Variants in GRIA4 observed in about 807,000 individuals in gnomAD.
GRIA4 encodes the protein glutamate receptor 4.
A neutral mutation model predicts 104.0 loss-of-function variants in GRIA4; 34 were observed. That is an observed-to-expected ratio of 0.33 (90% CI 0.25 to 0.44). The LOEUF (loss-of-function observed/expected upper bound fraction) is 0.44, where lower values mean the gene tolerates loss of function less well. Among genes scored for constraint, GRIA4 ranks in the 20% least tolerant of loss-of-function variants. GRIA4 has a pLI of 1.00. For missense variants in GRIA4, 750 were observed against 1,096.5 expected, an observed-to-expected ratio of 0.68 and a Z score of 4.46; for synonymous variants, 386 against 381.9, an observed-to-expected ratio of 1.01 and a Z score of -0.13.
At chr11:105,650,795 A>G (rs977375204) in intron 3 of GRIA4, among the ~76,000 whole-genome samples, 1 of 152,158 alleles carries the variant, frequency 6.6e-6, no homozygotes, top group Non-Finnish European at 1.5e-5. Flanking sequence ...AGACTTTCAA[A>G]TGACAAGCTG....
At chr11:105,809,430 A>G (rs1041333473) in intron 4 of GRIA4, among the ~76,000 whole-genome samples, 1 of 152,040 alleles carries the variant, frequency 6.6e-6, no homozygotes, top group Non-Finnish European at 1.5e-5. Flanking sequence ...GAATCTCCCT[A>G]TTGTGCTACT....
chr11:105,678,986 A>T (rs1418416523), intron 3 of GRIA4, among the ~76,000 whole-genome samples: 1 of 152,054 alleles, frequency 6.6e-6, no homozygotes, highest in Non-Finnish European at 1.5e-5. Context: ...AGATTCCACT[A>T]AGAATATCCT....
In GRIA4 at chr11:105,686,053, T is replaced by C. The variant is rs192585434; in HGVS notation, c.248-66928T>C. Among the ~76,000 whole-genome samples, 3 of 152,254 alleles carry C rather than the reference T, an allele frequency of 2.0e-5. No individual in the cohort carries two copies. The East Asian group carries it at 5.8e-4, about 29-fold the overall frequency. On this transcript the variant is annotated intron_variant, in intron 3 of 16. Transcript: ENST00000282499. ...GCAATAAAGGCCAGGATAAAGATGA[T>C]GGCAAAAGAGTTTCTTTTTTTCAAC...
chr11:105,618,608 G>A (rs1336121721), intron 3 of GRIA4, among the ~76,000 whole-genome samples: 2 of 151,962 alleles, frequency 1.3e-5, no homozygotes, highest in Non-Finnish European at 2.9e-5. Flanking sequence ...TGAGTGGGGA[G>A]GGTGACTATA....
chr11:105,746,629 G>T (rs1939676542), intron 3 of GRIA4, among the ~76,000 whole-genome samples: 1 of 151,956 alleles, frequency 6.6e-6, no homozygotes, highest in Non-Finnish European at 1.5e-5. Flanking sequence ...ACAAACAAAG[G>T]CAGCAAAGAC....
Position 105,612,449 on chromosome 11 carries a change from A to G in GRIA4, c.247+15A>G. The G allele has an allele frequency of 6.2e-7, 1 of 1,609,602 alleles. No homozygotes were observed. Among genetic ancestry groups the G allele is most frequent in the Non-Finnish European group, 8.5e-7 (1 of 1,176,970 alleles). On this transcript the variant is annotated intron_variant, in intron 3 of 16. Transcript: ENST00000282499. Reference sequence around the variant, plus strand: ...AACAAACGCCTGTAAGTAAAACATAAGCTATGAAAAATTAGAAGAGAACTG... The same window carrying G: ...AACAAACGCCTGTAAGTAAAACATAGGCTATGAAAAATTAGAAGAGAACTG...
chr11:105,888,145 T>A (rs1278564303), intron 6 of GRIA4, among the ~76,000 whole-genome samples: 1 of 152,090 alleles, frequency 6.6e-6, no homozygotes, highest in Non-Finnish European at 1.5e-5. Flanking sequence ...TTGTTAACCA[T>A]GTAGTGTAGG....
chr11:105,813,468 T>C (rs191619418), intron 4 of GRIA4, among the ~76,000 whole-genome samples: 5 of 152,286 alleles, frequency 3.3e-5, no homozygotes, highest in Admixed American at 3.3e-4. Flanking sequence ...ACTTTATGAA[T>C]GACTCCAAGT....
chr11:105,637,979 G>T (rs1318440816), intron 3 of GRIA4, among the ~76,000 whole-genome samples: 1 of 152,058 alleles, frequency 6.6e-6, no homozygotes, highest in Non-Finnish European at 1.5e-5. Context: ...AAATAATTGT[G>T]TATTTTTAAT....
chr11:105,627,452 A>T (rs1248292192), intron 3 of GRIA4, among the ~76,000 whole-genome samples: 1 of 152,150 alleles, frequency 6.6e-6, no homozygotes, highest in Admixed American at 6.5e-5. Flanking sequence ...GCAGTCTATA[A>T]CATAATTATG....
chr11:105,946,803 G>A (rs1948325529), intron 14 of GRIA4, among the ~76,000 whole-genome samples: 1 of 151,802 alleles, frequency 6.6e-6, no homozygotes, highest in African/African-American at 2.4e-5. Context: ...GGGACACTTG[G>A]GACTCAAGAA....
chr11:105,903,939 T>C lies in GRIA4; in HGVS notation c.1011T>C (p.Ala337=), dbSNP rs1415407354. The C allele has an allele frequency of 9.9e-6, 16 of 1,613,616 alleles. No homozygotes were observed. The highest frequency in any genetic ancestry group is 1.0e-5 in the Non-Finnish European group (12 of 1,179,578). Residue 337 remains alanine, a synonymous_variant, in exon 8 of 17, where the codon GCT becomes GCC. Transcript: ENST00000282499. ...GGGATTGTCTGGCAAATCCTGCTGC[T>C]CCATGGGGCCAGGGAATTGACATGG... ...NAGDCLANPA[A]PWGQGIDMER...
rs569292239 is a variant in GRIA4, at chr11:105,894,791, A to ATTTT, written c.727-3462_727-3459dup. Among the ~76,000 whole-genome samples the ATTTT allele has an allele frequency of 8.7e-5, 11 of 126,386 alleles. 3 individuals are homozygous for ATTTT. Among genetic ancestry groups the ATTTT allele is most frequent in the East Asian group, 4.7e-4 (2 of 4,290 alleles). 82.9% of individuals were successfully genotyped at this position (126,386 alleles called of 152,430 possible). A position where few individuals can be genotyped will look rare whatever the true frequency, so the allele number is the denominator to read the frequency against. The stretch of plus-strand genomic sequence containing the variant: ...TCTAACTGCAGGATTATTGCTACAT[A>ATTTT]TTTTTTTTTTTTTTTTTTTGAGACG... On this transcript the variant is annotated intron_variant, in intron 6 of 16. Transcript: ENST00000282499.
At chr11:105,661,042 A>G (rs797003986) in intron 3 of GRIA4, among the ~76,000 whole-genome samples, 1 of 147,772 alleles carries the variant, frequency 6.8e-6, no homozygotes, top group African/African-American at 2.5e-5. Context: ...GTGGGTGTGA[A>G]AAACACTGAA....
chr11:105,668,672 T>TTTG lies in GRIA4; in HGVS notation c.247+56240_247+56242dup, dbSNP rs1402682775. 3.7e-4 allele frequency among the ~76,000 whole-genome samples: 31 copies of TTTG among 83,600 alleles called. 1 individual carries two copies. The East Asian group carries it at 0.01, about 28-fold the overall frequency. The allele number at this position is 83,600 out of a possible 152,430, so 54.8% of individuals were successfully genotyped here. ...ACATCCTTGACAACACTTATTATCT[T>TTTG]TTGTCTTTTTTTTTTTTTTTGAGAT... is the stretch of plus-strand genomic sequence containing the variant. On this transcript the variant is annotated intron_variant, in intron 3 of 16. Coordinates refer to ENST00000282499, the MANE Select transcript of GRIA4 (RefSeq NM_000829.4).
intron 3 of GRIA4, chr11:105,706,644 C>T (rs1037785066): frequency 1.3e-5 from 2 of 152,816 alleles, no homozygotes; most frequent in African/African-American, 4.8e-5. Flanking sequence ...GTACTGTTGC[C>T]AATCCAGGGG....
chr11:105,790,124 A>G (rs4636626), intron 4 of GRIA4, among the ~76,000 whole-genome samples: 69,620 of 151,984 alleles, frequency 0.46, 16,325 homozygotes, highest in Middle Eastern at 0.52. Flanking sequence ...CCAAAATCTT[A>G]GAGAAGATAA....
chr11:105,673,849 A>G (rs1451007516), intron 3 of GRIA4, among the ~76,000 whole-genome samples: 1 of 152,072 alleles, frequency 6.6e-6, no homozygotes, highest in Non-Finnish European at 1.5e-5. Flanking sequence ...TAGAAATTTT[A>G]TCATTGATAA....
At chr11:105,778,508 C>G (rs1234717169) in intron 4 of GRIA4, among the ~76,000 whole-genome samples, 1 of 152,182 alleles carries the variant, frequency 6.6e-6, no homozygotes, top group East Asian at 1.9e-4. Context: ...AGTTTGAGAC[C>G]AGCCTGACCA....
Sources: allele counts gnomAD v4.1 joint callset (sites outside exome capture counted in the v4.1 genomes callset), GRCh38; gene constraint gnomAD v4.1.1; transcripts MANE v1.5; gene names NCBI Gene and HGNC (gene_info 2026-07-23, HGNC 2026-07-21).